The following RAB28 variants were observed in gnomAD, a reference collection of about 807,000 sequenced individuals.
The protein encoded by RAB28 is RAB28, member RAS oncogene family.
In RAB28, 24 loss-of-function variants were observed where a neutral mutation model predicts 31.7. The observed-to-expected ratio is 0.76, with a 90% confidence interval of 0.55 to 1.06. The LOEUF is 1.06. Among genes scored for constraint, RAB28 ranks in the 50% least tolerant of loss-of-function variants. RAB28 has a pLI of 0.00. For missense variants in RAB28, 254 were observed against 258.5 expected (o/e 0.98, Z 0.12); for synonymous variants, 100 against 90.4 (o/e 1.11, Z -0.60).
intron 4 of RAB28, among the ~76,000 whole-genome samples, chr4:13,406,056 G>A (rs1042412494): frequency 6.6e-6 from 1 of 152,060 alleles, no homozygotes; most frequent in East Asian, 1.9e-4. Flanking sequence ...GAACATGCAG[G>A]TTTGTTACAC....
At chr4:13,379,175 C>T (rs1729033661) in intron 5 of RAB28, among the ~76,000 whole-genome samples, 1 of 145,932 alleles carries the variant, frequency 6.9e-6, no homozygotes, top group Admixed American at 6.9e-5. Flanking sequence ...CACTGCACTC[C>T]AGCCCGGAGG....
intron 1 of RAB28, 59 bp from the exon 2 acceptor site, chr4:13,479,585 A>G (rs1716517215): frequency 8.9e-7 from 1 of 1,121,882 alleles, no homozygotes; most frequent in Middle Eastern, 2.1e-4. Context: ...TAATCATAAG[A>G]CCACTATAAA....
At chr4:13,467,706 C>T (rs772397431) in intron 3 of RAB28, among the ~76,000 whole-genome samples, 66 of 151,662 alleles carry the variant, frequency 4.4e-4, no homozygotes, top group Non-Finnish European at 9.0e-4. Flanking sequence ...CCAGAGAAAG[C>T]AGAAAAAGAG....
At chr4:13,462,566 T>C (rs1326374724) in intron 3 of RAB28, among the ~76,000 whole-genome samples, 2 of 152,204 alleles carry the variant, frequency 1.3e-5, no homozygotes, top group Admixed American at 6.5e-5. Flanking sequence ...AGCATACTTC[T>C]GTTATGACCT....
At chr4:13,447,640 A>C (rs1310978074) in intron 4 of RAB28, among the ~76,000 whole-genome samples, 1 of 152,196 alleles carries the variant, frequency 6.6e-6, no homozygotes, top group African/African-American at 2.4e-5. Flanking sequence ...TAGAGCCCCC[A>C]AAATACCCTT....
At chr4:13,410,468 C>G (rs1435811645) in intron 4 of RAB28, among the ~76,000 whole-genome samples, 1 of 151,956 alleles carries the variant, frequency 6.6e-6, no homozygotes, top group Non-Finnish European at 1.5e-5. Context: ...CCCCACAAGT[C>G]AGCATTCAGG....
intron 4 of RAB28, among the ~76,000 whole-genome samples, chr4:13,384,004 A>G (rs1729250743): frequency 1.3e-5 from 2 of 152,166 alleles, no homozygotes; most frequent in Non-Finnish European, 2.9e-5. Flanking sequence ...GCACTGGTGC[A>G]CTGCACCTGA....
chr4:13,449,737 T>C (rs908613764), intron 4 of RAB28, among the ~76,000 whole-genome samples: 4 of 151,846 alleles, frequency 2.6e-5, no homozygotes, highest in Admixed American at 1.3e-4. Context: ...TCTTTAAGAG[T>C]AGAAATCATT....
intron 4 of RAB28, among the ~76,000 whole-genome samples, chr4:13,419,096 A>G (rs1712964755): frequency 6.6e-6 from 1 of 152,198 alleles, no homozygotes. Flanking sequence ...CAGGGGTTGC[A>G]ATCCTAGCCT....
chr4:13,386,437 G>A lies in RAB28; in HGVS notation c.392-4843C>T, dbSNP rs563633534. Among the ~76,000 whole-genome samples the A allele has an allele frequency of 4.0e-5, 6 of 151,848 alleles. No individual in the cohort carries two copies. In the East Asian group the frequency reaches 1.2e-3, roughly 29 times the overall value. On this transcript the variant is annotated intron_variant, in intron 4 of 6. Transcript: ENST00000330852. The stretch of plus-strand genomic sequence containing the variant: ...GAAAAAAAAACAGCTCAATTAAAAA[G>A]TGGGCCAAGGACCTGAACAGATACT...
chr4:13,479,632 C>A, intron 1 of RAB28, 106 bp from the exon 2 acceptor site: 1 of 745,076 alleles, frequency 1.3e-6, no homozygotes, highest in Non-Finnish European at 2.2e-6. Flanking sequence ...GCAATTAATC[C>A]AACAAGCAAA....
intron 4 of RAB28, among the ~76,000 whole-genome samples, chr4:13,404,625 T>C (rs927121330): frequency 5.9e-5 from 9 of 152,062 alleles, no homozygotes; most frequent in Non-Finnish European, 1.2e-4. Context: ...CTAGAAATAT[T>C]CTAGGCTTCA....
intron 4 of RAB28, among the ~76,000 whole-genome samples, chr4:13,438,812 A>ACT (rs111892732): frequency 0.077 from 11,704 of 152,184 alleles, 809 homozygotes; most frequent in African/African-American, 0.19. Context: ...TCATAAGGTA[A>ACT]CTGACTTTTT....
At chr4:13,373,121 C>T (rs116816242) in intron 6 of RAB28, among the ~76,000 whole-genome samples, 2,592 of 152,188 alleles carry the variant, frequency 0.017, 82 homozygotes, top group African/African-American at 0.059. Flanking sequence ...AACTTCCTTG[C>T]AATTCAGACT....
Position 13,370,030 on chromosome 4 carries a change from G to C in RAB28, c.574-1380C>G, listed in dbSNP as rs2108872289. ...GAATTAAAAAAAAAAAGACAAAATG[G>C]AAAGTATGTTCAATGACTGAATATA... On this transcript the variant is annotated intron_variant, in intron 6 of 6. Coordinates refer to ENST00000330852, the MANE Select transcript of RAB28 (RefSeq NM_001017979.3). 6.5e-6 allele frequency: 10 copies of C among 1,540,690 alleles called. No homozygotes were observed. In the South Asian group the frequency reaches 1.1e-4, roughly 18 times the overall value.
intron 4 of RAB28, among the ~76,000 whole-genome samples, chr4:13,430,238 C>T (rs950147437): frequency 2.0e-5 from 3 of 151,984 alleles, no homozygotes; most frequent in Admixed American, 6.6e-5. Flanking sequence ...CTAGGGACAT[C>T]GGATGTCAGT....
intron 6 of RAB28, chr4:13,370,597 A>C: frequency 2.0e-6 from 2 of 977,316 alleles, no homozygotes; most frequent in Non-Finnish European, 2.4e-6. Context: ...AGGTGGGGAG[A>C]GGAATGAAGA....
At chr4:13,442,599 CAA>C (rs1577218827) in intron 4 of RAB28, among the ~76,000 whole-genome samples, 1 of 151,478 alleles carries the variant, frequency 6.6e-6, no homozygotes, top group Non-Finnish European at 1.5e-5. Context: ...TAATATTTGT[CAA>C]GTTTTTTATT....
intron 3 of RAB28, among the ~76,000 whole-genome samples, chr4:13,462,089 C>T (rs1275820398): frequency 2.0e-5 from 3 of 152,150 alleles, no homozygotes; most frequent in African/African-American, 7.2e-5. Flanking sequence ...AGTTCCAAAC[C>T]ATAAGGAACT....
Sources: gnomAD v4.1 joint callset for allele counts (sites outside exome capture counted in the v4.1 genomes callset) on GRCh38, gnomAD v4.1.1 for gene constraint, MANE v1.5 for transcripts, NCBI Gene and HGNC (gene_info 2026-07-23, HGNC 2026-07-21) for gene names.